STARD13: variants seen among roughly 807,000 people sequenced by gnomAD.
The protein encoded by STARD13 is stAR-related lipid transfer protein 13.
Under a neutral mutation model 106.4 loss-of-function variants are expected in STARD13, and 62 were observed. The ratio of observed to expected loss-of-function variants is 0.58; its 90% CI spans 0.48 to 0.72. STARD13 has a LOEUF of 0.72. Ranked by LOEUF, STARD13 falls within the 30% of genes least tolerant of loss-of-function variation. The pLI is 0.00. For missense variants in STARD13, 1,387 were observed against 1,424.0 expected (o/e 0.97, Z 0.42); for synonymous variants, 565 against 553.0 (o/e 1.02, Z -0.31).
the STARD13 span, among the ~76,000 whole-genome samples, chr13:33,436,114 T>C: frequency 3.3e-5 from 5 of 152,182 alleles, no homozygotes; most frequent in African/African-American, 7.2e-5. Context: ...TGGAGGAAGG[T>C]TGAATAGCTA....
the STARD13 span, among the ~76,000 whole-genome samples, chr13:33,371,864 A>T: frequency 6.6e-6 from 1 of 152,234 alleles, no homozygotes; most frequent in Non-Finnish European, 1.5e-5. Flanking sequence ...TGAAATTAGG[A>T]AAATGTCATC....
At chr13:33,393,814 T>C in the STARD13 span, among the ~76,000 whole-genome samples, 1 of 152,254 alleles carries the variant, frequency 6.6e-6, no homozygotes, top group African/African-American at 2.4e-5. Flanking sequence ...ATACCCACAT[T>C]GTGCTTTGAC....
chr13:33,602,529 AT>A, the STARD13 span, among the ~76,000 whole-genome samples: 1 of 152,232 alleles, frequency 6.6e-6, no homozygotes, highest in Non-Finnish European at 1.5e-5. Flanking sequence ...GGGGCAGTTT[AT>A]TAACCCAATT....
intron 1 of STARD13, among the ~76,000 whole-genome samples, chr13:33,245,072 C>G (rs1201498617): frequency 6.6e-6 from 1 of 152,154 alleles, no homozygotes. Context: ...TTATTAGAAA[C>G]ATAGGCTCCC....
chr13:33,305,254 C>T (rs1002919219), intron 1 of STARD13, among the ~76,000 whole-genome samples: 6 of 152,228 alleles, frequency 3.9e-5, no homozygotes, highest in Admixed American at 1.3e-4. Flanking sequence ...CTTCACCATA[C>T]ATTTAATGAG....
At chr13:33,350,675 T>TCTCCTCCC (rs772805803), upstream of STARD13, 114 of 1,176,726 alleles carry the variant, frequency 9.7e-5, no homozygotes, top group Non-Finnish European at 1.1e-4. Flanking sequence ...CCACTTTCCT[T>TCTCCTCCC]CTCCTCCCCT....
the STARD13 span, among the ~76,000 whole-genome samples, chr13:33,523,315 C>G: frequency 6.6e-6 from 1 of 152,226 alleles, no homozygotes; most frequent in Middle Eastern, 3.4e-3. Context: ...GTTGATTTAC[C>G]TTAACCCTGC....
chr13:33,550,936 T>C, the STARD13 span, among the ~76,000 whole-genome samples: 10 of 152,254 alleles, frequency 6.6e-5, no homozygotes, highest in Admixed American at 1.3e-4. Context: ...TTTCCACTTA[T>C]ACCACCATCC....
At chr13:33,207,872 C>T (rs116360845) in intron 1 of STARD13, among the ~76,000 whole-genome samples, 130 of 152,272 alleles carry the variant, frequency 8.5e-4, no homozygotes, top group African/African-American at 3.0e-3. Flanking sequence ...CCCTGCCCCG[C>T]CCACAAAAGG....
At chr13:33,386,475 C>G in the STARD13 span, among the ~76,000 whole-genome samples, 2 of 152,120 alleles carry the variant, frequency 1.3e-5, no homozygotes, top group Admixed American at 6.5e-5. Context: ...CAGGAGGGCA[C>G]ATTGCTGGGG....
At chr13:33,259,258 A>C (rs1890520717) in intron 1 of STARD13, among the ~76,000 whole-genome samples, 1 of 152,232 alleles carries the variant, frequency 6.6e-6, no homozygotes. Flanking sequence ...TTGAGAAACA[A>C]ACTTGTGAGA....
chr13:33,421,029 C>T, the STARD13 span, among the ~76,000 whole-genome samples: 2 of 152,106 alleles, frequency 1.3e-5, no homozygotes, highest in African/African-American at 2.4e-5. Flanking sequence ...ATGCTAACAA[C>T]ACAATTAAAA....
At chr13:33,163,645 T>TATATATAAAACATATATATATAAC (rs1566038617) in intron 3 of STARD13, among the ~76,000 whole-genome samples, 8 of 63,982 alleles carry the variant, frequency 1.3e-4, no homozygotes, top group Non-Finnish European at 1.4e-4. Flanking sequence ...ATATAACATA[T>TATATATAAAACATATATATATAAC]ATATATATAA....
the STARD13 span, among the ~76,000 whole-genome samples, chr13:33,480,331 C>T: frequency 3.9e-5 from 6 of 152,144 alleles, no homozygotes; most frequent in Admixed American, 6.5e-5. Context: ...TTTTAAAAAT[C>T]CATAAAAAAT....
intron 1 of STARD13, among the ~76,000 whole-genome samples, chr13:33,220,738 T>C (rs565341816): frequency 2.0e-5 from 3 of 152,304 alleles, no homozygotes; most frequent in South Asian, 4.1e-4. Context: ...TAATATTTGA[T>C]ATCTCTAGAA....
At chr13:33,192,820 C>T (rs527804433) in intron 1 of STARD13, among the ~76,000 whole-genome samples, 14 of 152,264 alleles carry the variant, frequency 9.2e-5, no homozygotes, top group African/African-American at 3.1e-4. Flanking sequence ...ATTGCTTGAA[C>T]CCAGGAGGCA....
the STARD13 span, among the ~76,000 whole-genome samples, chr13:33,503,369 GTC>G: frequency 1.3e-5 from 2 of 152,058 alleles, no homozygotes; most frequent in Non-Finnish European, 2.9e-5. Flanking sequence ...GGTTTTTTGT[GTC>G]TCTATCTCCT....
At chr13:33,170,660 T>A (rs1401512156) in intron 1 of STARD13, among the ~76,000 whole-genome samples, 1 of 152,210 alleles carries the variant, frequency 6.6e-6, no homozygotes, top group Non-Finnish European at 1.5e-5. Flanking sequence ...GTCCTAGCCA[T>A]GGCAGGTGAC....
intron 1 of STARD13, among the ~76,000 whole-genome samples, chr13:33,293,844 GGGCTTCAGACT>G (rs1892383721): frequency 1.3e-5 from 2 of 152,144 alleles, no homozygotes; most frequent in South Asian, 4.1e-4. Flanking sequence ...CTTCAGTTTT[GGGCTTCAGACT>G]GGCTCTCCTT....
Sources: allele counts gnomAD v4.1 joint callset (sites outside exome capture counted in the v4.1 genomes callset), GRCh38; gene constraint gnomAD v4.1.1; transcripts MANE v1.5; gene names NCBI Gene and HGNC (gene_info 2026-07-23, HGNC 2026-07-21).